The following PLXNA4 variants were observed in gnomAD, a reference collection of about 807,000 sequenced individuals.
The protein encoded by PLXNA4 is plexin A4.
In PLXNA4, 44 loss-of-function variants were observed where a neutral mutation model predicts 191.8. The ratio of observed to expected loss-of-function variants is 0.23; its 90% CI spans 0.18 to 0.29. The LOEUF is 0.29. Ranked by LOEUF, PLXNA4 falls within the 10% of genes least tolerant of loss-of-function variation. The probability of loss-of-function intolerance (pLI) is 1.00; values close to 1 mark genes in which losing one functional copy is unlikely to be tolerated. For missense variants in PLXNA4, 1,800 were observed against 2,488.8 expected, an observed-to-expected ratio of 0.72 and a Z score of 5.89; for synonymous variants, 1,082 against 1,009.5, an observed-to-expected ratio of 1.07 and a Z score of -1.36.
At chr7:132,131,812 C>T (rs1794935944) in intron 31 of PLXNA4, among the ~76,000 whole-genome samples, 1 of 152,264 alleles carries the variant, frequency 6.6e-6, no homozygotes, top group Non-Finnish European at 1.5e-5. Flanking sequence ...CAATACTAAC[C>T]TGCAGACTGG....
At chr7:132,290,856 G>T (rs1036350279) in intron 4 of PLXNA4, among the ~76,000 whole-genome samples, 7 of 152,322 alleles carry the variant, frequency 4.6e-5, no homozygotes, top group Middle Eastern at 3.4e-3. Context: ...AGAGCTCACA[G>T]AGGGACCCAC....
chr7:132,226,629 G>T (rs552036150), intron 7 of PLXNA4, among the ~76,000 whole-genome samples: 1 of 152,198 alleles, frequency 6.6e-6, no homozygotes, highest in African/African-American at 2.4e-5. Context: ...CACAAACTGC[G>T]CAAGAAGTTT....
At chr7:132,242,257 T>G (rs955602720) in intron 4 of PLXNA4, among the ~76,000 whole-genome samples, 112 of 152,132 alleles carry the variant, frequency 7.4e-4, no homozygotes, top group African/African-American at 2.4e-3. Flanking sequence ...GAATTTGATG[T>G]GGCCATCCTT....
chr7:132,614,738 A>G (rs1803117844), intron 2 of PLXNA4, among the ~76,000 whole-genome samples: 1 of 152,240 alleles, frequency 6.6e-6, no homozygotes, highest in Admixed American at 6.5e-5. Context: ...ATTTGGTACT[A>G]GTTCAGTTTA....
intron 3 of PLXNA4, among the ~76,000 whole-genome samples, chr7:132,373,469 G>T (rs879930326): frequency 9.9e-5 from 15 of 152,170 alleles, no homozygotes; most frequent in South Asian, 2.1e-4. Context: ...AGCTGGAAAG[G>T]TTCGATTTTG....
At chr7:132,329,972 G>A (rs569912573) in intron 3 of PLXNA4, among the ~76,000 whole-genome samples, 1 of 152,210 alleles carries the variant, frequency 6.6e-6, no homozygotes, top group African/African-American at 2.4e-5. Flanking sequence ...CCCTGTCTAA[G>A]AGACCTTAAC....
intron 4 of PLXNA4, among the ~76,000 whole-genome samples, chr7:132,272,566 T>C (rs1020449001): frequency 6.6e-6 from 1 of 152,214 alleles, no homozygotes; most frequent in South Asian, 2.1e-4. Context: ...CTAAATCAAG[T>C]CAGTTGGTCT....
At chr7:132,182,644 A>G (rs1370484329) in intron 16 of PLXNA4, among the ~76,000 whole-genome samples, 2 of 152,240 alleles carry the variant, frequency 1.3e-5, no homozygotes, top group Non-Finnish European at 2.9e-5. Context: ...GGCTGAGCAC[A>G]GTCTGCTCCC....
chr7:132,223,809 C>T (rs575433862), intron 8 of PLXNA4, among the ~76,000 whole-genome samples, 168 bp from the exon 9 acceptor site: 7 of 152,134 alleles, frequency 4.6e-5, no homozygotes, highest in Non-Finnish European at 1.0e-4. Flanking sequence ...TCCCCAAGAC[C>T]TCAGGAAGCT....
chr7:132,505,431 A>C (rs752214470), intron 2 of PLXNA4, among the ~76,000 whole-genome samples: 16 of 152,166 alleles, frequency 1.1e-4, no homozygotes, highest in South Asian at 2.1e-4. Flanking sequence ...AAAGTTTTCT[A>C]CAGGAAACTG....
chr7:132,363,727 T>C (rs1018911014), intron 3 of PLXNA4, among the ~76,000 whole-genome samples: 1 of 152,292 alleles, frequency 6.6e-6, no homozygotes, highest in Non-Finnish European at 1.5e-5. Flanking sequence ...CGCTGGATCA[T>C]ATAGTAATTC....
intron 3 of PLXNA4, among the ~76,000 whole-genome samples, chr7:132,409,248 C>T (rs895050803): frequency 1.3e-5 from 2 of 152,148 alleles, no homozygotes; most frequent in African/African-American, 4.8e-5. Flanking sequence ...TCCATCCAGG[C>T]CCTAGCTGGA....
At chr7:132,625,517 C>T (rs1382267198) in intron 2 of PLXNA4, among the ~76,000 whole-genome samples, 7 of 152,162 alleles carry the variant, frequency 4.6e-5, no homozygotes, top group Non-Finnish European at 8.8e-5. Context: ...TCCTCTGTCA[C>T]ATCAAGCACC....
At chr7:132,471,843 A>C (rs1417442230) in intron 3 of PLXNA4, among the ~76,000 whole-genome samples, 1 of 152,196 alleles carries the variant, frequency 6.6e-6, no homozygotes, top group Non-Finnish European at 1.5e-5. Context: ...CGCAAGAACA[A>C]ACAAGCAGGG....
intron 3 of PLXNA4, among the ~76,000 whole-genome samples, chr7:132,416,262 G>GAA (rs1338881978): frequency 6.6e-6 from 1 of 152,224 alleles, no homozygotes; most frequent in Non-Finnish European, 1.5e-5. Context: ...GAAAGGACAA[G>GAA]AAAAGGGTGA....
intron 3 of PLXNA4, among the ~76,000 whole-genome samples, chr7:132,455,172 C>T (rs144632677): frequency 4.6e-5 from 7 of 152,328 alleles, no homozygotes; most frequent in East Asian, 3.9e-4. Flanking sequence ...GTGGTCATCA[C>T]GGTGGCTGTT....
chr7:132,383,083 A>T (rs977217517), intron 3 of PLXNA4, among the ~76,000 whole-genome samples: 2 of 152,306 alleles, frequency 1.3e-5, no homozygotes, highest in Middle Eastern at 3.4e-3. Flanking sequence ...TCCTGTTGGC[A>T]GTCAGGTTTA....
chr7:132,610,231 G>A (rs1040159355), intron 2 of PLXNA4, among the ~76,000 whole-genome samples: 11 of 152,200 alleles, frequency 7.2e-5, no homozygotes, highest in Non-Finnish European at 1.2e-4. Context: ...GCCCCAGCCT[G>A]GCCCTGCTCC....
rs181713891 is a variant in PLXNA4 at position 132,505,273 on chromosome 7, C to A, written c.1188+2233G>T. On this transcript the variant is annotated intron_variant, in intron 2 of 31. Transcript: ENST00000321063. ...GGCTACCACACGGTGTTAGGACCTG[C>A]AGCTCTGCAGACTTCCATGATGAAC... 3.3e-5 allele frequency among the ~76,000 whole-genome samples: 5 copies of A among 152,372 alleles called. No homozygotes were observed. In the East Asian group the frequency reaches 9.6e-4, roughly 29 times the overall value.
Sources: gnomAD v4.1 joint callset for allele counts (sites outside exome capture counted in the v4.1 genomes callset) on GRCh38, gnomAD v4.1.1 for gene constraint, MANE v1.5 for transcripts, NCBI Gene and HGNC (gene_info 2026-07-23, HGNC 2026-07-21) for gene names.